The following ESRRB variants were observed in gnomAD, a reference collection of about 807,000 sequenced individuals.
ESRRB encodes the protein estrogen related receptor beta.
A neutral mutation model predicts 46.0 loss-of-function variants in ESRRB; 16 were observed. The observed-to-expected ratio is 0.35, with a 90% confidence interval of 0.24 to 0.53. The LOEUF is 0.53. Among genes scored for constraint, ESRRB ranks in the 20% least tolerant of loss-of-function variants. The pLI is 0.93. For synonymous variants in ESRRB, 246 were observed against 259.6 expected, an observed-to-expected ratio of 0.95 and a Z score of 0.50; for missense variants, 488 against 607.4, an observed-to-expected ratio of 0.80 and a Z score of 2.07.
chr14:76,402,039 TG>T (rs762050258), intron 1 of ESRRB, among the ~76,000 whole-genome samples: 1 of 152,226 alleles, frequency 6.6e-6, no homozygotes, highest in Non-Finnish European at 1.5e-5. Flanking sequence ...GGGAGAAGGC[TG>T]ATGTCCCAAT....
chr14:76,462,507 G>A (rs539967827), intron 2 of ESRRB, 38 bp from the exon 3 acceptor site: 37 of 1,544,470 alleles, frequency 2.4e-5, no homozygotes, highest in South Asian at 2.1e-4. Context: ...GGCCCTGGGC[G>A]GCCAGCACCC....
intron 2 of ESRRB, among the ~76,000 whole-genome samples, chr14:76,441,713 G>A (rs998375774): frequency 2.0e-5 from 3 of 152,216 alleles, no homozygotes; most frequent in African/African-American, 7.2e-5. Context: ...ACCAAGCCAG[G>A]CTGTAGGTGC....
At chr14:76,332,905 A>ATT in intron 1 of ESRRB, among the ~76,000 whole-genome samples, 1 of 12,566 alleles carries the variant, frequency 8.0e-5, no homozygotes, top group Admixed American at 2.0e-3. Context: ...TATATTATAT[A>ATT]CTTATATATT....
chr14:76,458,366 G>A (rs1888700046), intron 2 of ESRRB, among the ~76,000 whole-genome samples: 1 of 152,006 alleles, frequency 6.6e-6, no homozygotes, highest in Non-Finnish European at 1.5e-5. Flanking sequence ...GCTAGCCGCT[G>A]GGGCCATAAA....
intron 1 of ESRRB, among the ~76,000 whole-genome samples, chr14:76,355,766 C>T (rs1884371731): frequency 6.6e-6 from 1 of 152,112 alleles, no homozygotes; most frequent in South Asian, 2.1e-4. Context: ...GCACAGGGTC[C>T]AACACATAGG....
At chr14:76,370,173 A>G (rs192536607), upstream of ESRRB, among the ~76,000 whole-genome samples, 1 of 151,358 alleles carries the variant, frequency 6.6e-6, no homozygotes, top group African/African-American at 2.4e-5. Context: ...GGATTACCTG[A>G]GGTCAGGAGT....
upstream of ESRRB, among the ~76,000 whole-genome samples, chr14:76,375,947 T>TCC (rs1231137729): frequency 4.8e-5 from 6 of 126,306 alleles, no homozygotes; most frequent in African/African-American, 1.5e-4. Context: ...CACCCAGTAC[T>TCC]CCTACTGCTC....
chr14:76,392,370 G>A (rs1207916300), intron 1 of ESRRB, among the ~76,000 whole-genome samples: 3 of 152,172 alleles, frequency 2.0e-5, no homozygotes, highest in Non-Finnish European at 4.4e-5. Context: ...TGGAGGGGAA[G>A]GAAGCTGCTG....
At position 76,429,849 on chromosome 14, in the gene ESRRB, ATG is replaced by A. The variant is rs58340334; in HGVS notation, c.51-9470_51-9469del. Among the ~76,000 whole-genome samples, 1,036 of 149,848 alleles carry A rather than the reference ATG, an allele frequency of 6.9e-3. 8 individuals are homozygous for A. Among genetic ancestry groups the A allele is most frequent in the African/African-American group, 0.019 (796 of 41,086 alleles). ...GATGAAAAATCTGAGTTTAAGTTTT[ATG>A]TGTGTGTGTGTGTGTGTGTGTAATT... is the stretch of plus-strand genomic sequence containing the variant. On this transcript the variant is annotated intron_variant, in intron 1 of 6. Transcript: ENST00000644823.
intron 1 of ESRRB, among the ~76,000 whole-genome samples, chr14:76,333,479 A>G (rs1010175352): frequency 9.2e-5 from 12 of 130,364 alleles, no homozygotes; most frequent in Admixed American, 5.6e-4. Context: ...TCATATATAA[A>G]TATATATTAT....
At chr14:76,341,882 G>T (rs1418647965) in intron 1 of ESRRB, among the ~76,000 whole-genome samples, 1 of 152,236 alleles carries the variant, frequency 6.6e-6, no homozygotes, top group African/African-American at 2.4e-5. Context: ...ATTCATGCTT[G>T]TCCTTCTCCA....
chr14:76,333,013 TTATATATTATATATTA>T (rs1202825209), intron 1 of ESRRB, among the ~76,000 whole-genome samples: 6 of 13,490 alleles, frequency 4.4e-4, no homozygotes, highest in African/African-American at 1.6e-3. Context: ...TATTATATAT[TTATATATTATATATTA>T]TATATATTAT....
At chr14:76,371,351 A>C (rs1884620635), upstream of ESRRB, 1 of 152,352 alleles carries the variant, frequency 6.6e-6, no homozygotes, top group African/African-American at 2.4e-5. Context: ...GCAGGTCCGC[A>C]GAGAGGTGTG....
intron 6 of ESRRB, among the ~76,000 whole-genome samples, chr14:76,496,962 G>A (rs145919526): frequency 1.8e-3 from 274 of 152,296 alleles, no homozygotes; most frequent in Non-Finnish European, 3.4e-3. Context: ...GATACAGACC[G>A]GCTGATGGAT....
intron 1 of ESRRB, among the ~76,000 whole-genome samples, chr14:76,320,224 T>C (rs1224998899): frequency 1.3e-5 from 2 of 152,236 alleles, no homozygotes; most frequent in Admixed American, 1.3e-4. Flanking sequence ...GACACTCTAC[T>C]GATGCCGTAG....
chr14:76,358,397 A>AAGAGAGAGAGAG (rs1429412640), intron 1 of ESRRB, among the ~76,000 whole-genome samples: 2 of 126,970 alleles, frequency 1.6e-5, no homozygotes, highest in African/African-American at 6.2e-5. Context: ...GAAAGAAAGA[A>AAGAGAGAGAGAG]AGAAAGAAAG....
At chr14:76,449,971 A>T (rs1278494400) in intron 2 of ESRRB, among the ~76,000 whole-genome samples, 1 of 152,062 alleles carries the variant, frequency 6.6e-6, no homozygotes, top group African/African-American at 2.4e-5. Context: ...TGTTGCCTAC[A>T]CTGGTCTTGA....
chr14:76,422,507 G>A (rs185831607), intron 1 of ESRRB, among the ~76,000 whole-genome samples: 54 of 152,040 alleles, frequency 3.6e-4, no homozygotes, highest in African/African-American at 1.2e-3. Context: ...CACCACACCC[G>A]GCCGACATTT....
chr14:76,426,252 G>A (rs758119585), intron 1 of ESRRB, among the ~76,000 whole-genome samples: 4 of 152,154 alleles, frequency 2.6e-5, no homozygotes, highest in Non-Finnish European at 5.9e-5. Flanking sequence ...GAGACAGGAG[G>A]GGAGGGAGTG....
Sources: allele counts gnomAD v4.1 joint callset (sites outside exome capture counted in the v4.1 genomes callset), GRCh38; gene constraint gnomAD v4.1.1; transcripts MANE v1.5; gene names NCBI Gene and HGNC (gene_info 2026-07-23, HGNC 2026-07-21).